RBMX: variants seen among roughly 807,000 people sequenced by gnomAD.
RBMX encodes the protein RNA-binding motif protein, X chromosome.
RBMX carries 1 observed loss-of-function variant against 29.3 expected under a neutral mutation model. The ratio of observed to expected loss-of-function variants is 0.03; its 90% CI spans 0.01 to 0.16. RBMX has a LOEUF of 0.16. Among genes scored for constraint, RBMX ranks in the 10% least tolerant of loss-of-function variants. RBMX has a pLI of 1.00. For synonymous variants in RBMX, 102 were observed against 102.3 expected (o/e 1.00, Z 0.02); for missense variants, 121 against 333.2 (o/e 0.36, Z 4.96).
intron 5 of RBMX, 48 bp from the exon 6 acceptor site, chrX:136,875,633 A>T: frequency 8.4e-7 from 1 of 1,184,303 alleles, no homozygotes; most frequent in Non-Finnish European, 1.1e-6. Context: ...GAAAAAAGTT[A>T]AAACGTGAAC....
At chrX:136,879,525 CA>C (rs2077775619) in intron 1 of RBMX, 72 bp from the exon 2 acceptor site, 1 of 860,246 alleles carries the variant, frequency 1.2e-6, no homozygotes, top group Non-Finnish European at 1.6e-6. Flanking sequence ...TACTTTCGCA[CA>C]TTTCTCATAT....
downstream of RBMX, chrX:136,873,393 A>C: frequency 1.4e-6 from 1 of 699,018 alleles, no homozygotes; most frequent in Non-Finnish European, 1.7e-6. Flanking sequence ...CTGTTCCTTT[A>C]AAAGTGAGAC....
intron 1 of RBMX, among the ~76,000 whole-genome samples, 200 bp downstream of exon 1, chrX:136,880,397 C>G (rs904909715): frequency 1.8e-5 from 2 of 112,567 alleles, no homozygotes; most frequent in African/African-American, 6.5e-5. Flanking sequence ...CAGATGGCAG[C>G]CAAACTTTCT....
intron 4 of RBMX, among the ~76,000 whole-genome samples, chrX:136,877,328 A>ATC (rs1556343940): frequency 3.9e-5 from 1 of 25,328 alleles, no homozygotes; most frequent in Non-Finnish European, 7.3e-5. Flanking sequence ...GCTAAACTCT[A>ATC]CCCCCCCCCC....
At chrX:136,874,901 C>G (rs1308238209) in intron 8 of RBMX, 185 bp downstream of exon 8, 1 of 883,184 alleles carries the variant, frequency 1.1e-6, no homozygotes. Flanking sequence ...CAAACAGCCT[C>G]AAAAGAAACT....
intron 3 of RBMX, 28 bp downstream of exon 3, chrX:136,878,989 T>C (rs2077769524): frequency 8.3e-7 from 1 of 1,205,265 alleles, no homozygotes; most frequent in African/African-American, 1.8e-5. Flanking sequence ...TAGTAACAGG[T>C]TATCATCCAT....
At chrX:136,878,929 C>CA in intron 3 of RBMX, 88 bp downstream of exon 3, 16 of 1,129,542 alleles carry the variant, frequency 1.4e-5, no homozygotes, top group Non-Finnish European at 1.9e-5. Context: ...AACGAAAACT[C>CA]AAAAGCTGTC....
Position 136,875,335 on chromosome X carries a change from T to C in RBMX, c.705A>G (p.Ala235=), listed in dbSNP as rs1350831573. ...YPSSRDTRDY[A]PPPRDYTYRD... ...GGTAAGTATAATCTCGTGGTGGTGG[T>C]GCATAATCTCTAGTATCACGAGAAC... Residue 235 remains alanine (A), a synonymous_variant, in exon 7 of 9, where the codon GCA becomes GCG. Transcript: ENST00000320676. 8.3e-7 allele frequency: 1 copy of C among 1,211,703 alleles called. No individual in the cohort carries two copies. Among genetic ancestry groups the C allele is most frequent in the Admixed American group, 2.2e-5 (1 of 46,030 alleles).
At chrX:136,871,922 G>C (rs938873106), downstream of RBMX, among the ~76,000 whole-genome samples, 3 of 109,335 alleles carry the variant, frequency 2.7e-5, no homozygotes, top group African/African-American at 1.0e-4. Context: ...CAAAGTCCTG[G>C]GATTAAAGGC....
chrX:136,875,726 A>G, intron 5 of RBMX, 141 bp from the exon 6 acceptor site: 1 of 869,027 alleles, frequency 1.2e-6, no homozygotes, highest in East Asian at 3.5e-5. Context: ...TATTTTCTAC[A>G]ATTTCCCATT....
At chrX:136,872,585 T>G, downstream of RBMX, 1 of 372,699 alleles carries the variant, frequency 2.7e-6, no homozygotes, top group Non-Finnish European at 4.7e-6. Context: ...AATGGTGCAC[T>G]GCCACGTTAA....
downstream of RBMX, chrX:136,869,267 C>A (rs1488277106): frequency 2.7e-5 from 3 of 112,453 alleles, no homozygotes; most frequent in African/African-American, 9.7e-5. Context: ...TACCCAAGTT[C>A]TATGTTCAAC....
At chrX:136,871,183 A>C (rs188153126), downstream of RBMX, among the ~76,000 whole-genome samples, 490 of 109,000 alleles carry the variant, frequency 4.5e-3, 1 homozygote, top group African/African-American at 0.015. Context: ...GCGGTGGCTC[A>C]TGCCTATAAT....
rs764123593 is a variant in RBMX, at chrX:136,875,244, G to A, written c.782+14C>T. ...CTTTTCTTACATGTAAGCCACAGAA[G>A]CAAAGTCACTTACCTATATCCTCTT... On this transcript the variant is annotated intron_variant, in intron 7 of 8. Coordinates refer to ENST00000320676, the MANE Select transcript of RBMX (RefSeq NM_002139.4). The A allele has an allele frequency of 1.2e-5, 15 of 1,209,408 alleles. No homozygotes were observed. The highest frequency in any genetic ancestry group is 1.7e-5 in the Non-Finnish European group (15 of 894,946).
At chrX:136,869,336 C>A (rs1455044225), downstream of RBMX, 1 of 111,866 alleles carries the variant, frequency 8.9e-6, no homozygotes, top group Non-Finnish European at 1.9e-5. Flanking sequence ...CAGTATAAAC[C>A]CAGAAGAATC....
chrX:136,872,229 A>T, downstream of RBMX: 2 of 1,016,031 alleles, frequency 2.0e-6, no homozygotes, highest in East Asian at 3.3e-5. Flanking sequence ...TAGTTACACA[A>T]CATTTAAACC....
At chrX:136,876,128 T>G (rs1173396936) in intron 5 of RBMX, among the ~76,000 whole-genome samples, 10 of 100,275 alleles carry the variant, frequency 1.0e-4, no homozygotes, top group Admixed American at 5.3e-4. Flanking sequence ...TTTTTTTGTT[T>G]TTTTTTTTTT....
rs186082704 is a variant in RBMX at position 136,877,007 on chromosome X, C to T, written c.389-352G>A. Among the ~76,000 whole-genome samples, 66 of 107,553 alleles carry T rather than the reference C, an allele frequency of 6.1e-4. No individual in the cohort carries two copies. The East Asian group carries it at 0.019, about 31-fold the overall frequency. The allele number at this position is 107,553 out of a possible 115,157, so 93.4% of individuals were successfully genotyped here. A position where few individuals can be genotyped will look rare whatever the true frequency, so the allele number is the denominator to read the frequency against. The stretch of plus-strand genomic sequence containing the variant: ...GATTGCAGGTGTGAGCCACCAGGCT[C>T]GGCCACTATAAAAGTTTTCTTTGCT... On this transcript the variant is annotated intron_variant, in intron 4 of 8. Coordinates refer to ENST00000320676, the MANE Select transcript of RBMX (RefSeq NM_002139.4).
chrX:136,877,891 C>T, intron 4 of RBMX, 24 bp downstream of exon 4: 1 of 1,156,075 alleles, frequency 8.6e-7, no homozygotes, highest in Non-Finnish European at 1.2e-6. Flanking sequence ...ATACACCAAA[C>T]CCGAGGTCCA....
Sources: gnomAD v4.1 joint callset for allele counts (sites outside exome capture counted in the v4.1 genomes callset) on GRCh38, gnomAD v4.1.1 for gene constraint, MANE v1.5 for transcripts, NCBI Gene and HGNC (gene_info 2026-07-23, HGNC 2026-07-21) for gene names.